The following ARID3A variants were observed in gnomAD, a reference collection of about 807,000 sequenced individuals.
ARID3A encodes AT-rich interactive domain-containing protein 3A.
A neutral mutation model predicts 52.7 loss-of-function variants in ARID3A; 11 were observed. That is an observed-to-expected ratio of 0.21 (90% confidence interval 0.13 to 0.35). ARID3A has a LOEUF of 0.35. Ranked by LOEUF, ARID3A falls within the 10% of genes least tolerant of loss-of-function variation. ARID3A has a pLI of 1.00. For missense variants in ARID3A, 721 were observed against 838.5 expected, an observed-to-expected ratio of 0.86 and a Z score of 1.73; for synonymous variants, 404 against 359.4, an observed-to-expected ratio of 1.12 and a Z score of -1.40.
intron 3 of ARID3A, among the ~76,000 whole-genome samples, chr19:939,095 CTATT>C (rs57727834): frequency 0.018 from 2,182 of 121,242 alleles, 48 homozygotes; most frequent in African/African-American, 0.051. Flanking sequence ...CACACCTGGC[CTATT>C]TATTTATTTA....
rs542946983 is a variant in ARID3A at position 944,987 on chromosome 19, G to A, written c.693+12245G>A. ...CGTCGCCCTGTAATTCTTCCCTGAC[G>A]GCCATTTTTCCGGGAGTGGCTGGGC... On this transcript the variant is annotated intron_variant, in intron 3 of 8. Transcript: ENST00000263620. This position sits in a 1 kb window ranked among gnomAD's most constrained non-coding sequence, Gnocchi z 5.9. 2.6e-5 allele frequency among the ~76,000 whole-genome samples: 4 copies of A among 152,192 alleles called. No individual in the cohort carries two copies. The East Asian group carries it at 5.8e-4, about 22-fold the overall frequency.
At chr19:939,128 A>ATTTATTTATTT (rs57082317) in intron 3 of ARID3A, among the ~76,000 whole-genome samples, 4 of 145,202 alleles carry the variant, frequency 2.8e-5, no homozygotes, top group East Asian at 2.0e-4. Flanking sequence ...TTTATTTATT[A>ATTTATTTATTT]TTATTATTTT....
At chr19:951,128 C>T (rs576754532) in intron 3 of ARID3A, among the ~76,000 whole-genome samples, 1 of 151,708 alleles carries the variant, frequency 6.6e-6, no homozygotes, top group Admixed American at 6.6e-5. Flanking sequence ...GGCCAGGATT[C>T]TTTCTTAAAG....
rs777962993 is a variant in ARID3A at position 964,231 on chromosome 19, C to G, written c.767-17C>G. Reference sequence around the variant, plus strand: ...TGCCCAGGTGGCCCCCAACCTCCCTCTCGCCCCTTCCCCCAGGGACACCTG... The same window carrying G: ...TGCCCAGGTGGCCCCCAACCTCCCTGTCGCCCCTTCCCCCAGGGACACCTG... On this transcript the variant is annotated splice_polypyrimidine_tract_variant and intron_variant, in intron 4 of 8. Transcript: ENST00000263620. The surrounding 1 kb of genome is among the most constrained non-coding windows in gnomAD (Gnocchi z 5.7). The G allele has an allele frequency of 2.0e-5, 32 of 1,601,794 alleles. No individual in the cohort carries two copies. The highest frequency in any genetic ancestry group is 2.6e-5 in the Non-Finnish European group (31 of 1,171,662).
Position 938,207 on chromosome 19 carries a change from T to G in ARID3A, c.693+5465T>G, listed in dbSNP as rs1484732932. 6.6e-6 allele frequency among the ~76,000 whole-genome samples: 1 copy of G among 152,158 alleles called. No homozygotes were observed. The highest frequency in any genetic ancestry group is 2.4e-5 in the African/African-American group (1 of 41,420). ...GCGTGGTTTCTCACTGTGGTTCTGA[T>G]TTTCATTCAGTGTCAGGATCTCTCC... On this transcript the variant is annotated intron_variant, in intron 3 of 8. Coordinates refer to ENST00000263620, the MANE Select transcript of ARID3A (RefSeq NM_005224.3). The surrounding 1 kb of genome is among the most constrained non-coding windows in gnomAD (Gnocchi z 4.0).
At chr19:965,991 CAAAAA>C (rs35807859) in intron 6 of ARID3A, among the ~76,000 whole-genome samples, 4 of 106,584 alleles carry the variant, frequency 3.8e-5, no homozygotes, top group Admixed American at 2.0e-4. Context: ...GACTCCGTGT[CAAAAA>C]AAAAAAAAAA....
chr19:975,137 C>T lies in ARID3A; in HGVS notation c.*3072C>T, dbSNP rs933680474. The T allele has an allele frequency of 3.1e-4, 72 of 230,534 alleles. No homozygotes were observed. The highest frequency in any genetic ancestry group is 5.2e-4 in the Non-Finnish European group (61 of 117,094). 14.3% of individuals were successfully genotyped at this position (230,534 alleles called of 1,614,324 possible). On this transcript the variant is annotated 3_prime_UTR_variant, in exon 9 of 9. Coordinates refer to ENST00000263620, the MANE Select transcript of ARID3A (RefSeq NM_005224.3). ...TCTGGGGTGCAGCTCAGCACCCCCC[C>T]TTATGCAGACTGGGAGGGGGTCGGG... is the stretch of plus-strand genomic sequence containing the variant.
intron 8 of ARID3A, among the ~76,000 whole-genome samples, chr19:969,864 TG>T (rs1445768929): frequency 6.6e-6 from 1 of 150,956 alleles, no homozygotes; most frequent in Non-Finnish European, 1.5e-5. Flanking sequence ...AATTTTTTTT[TG>T]TATTTTTAGT....
At chr19:930,719 C>G (rs1256400422) in intron 2 of ARID3A, among the ~76,000 whole-genome samples, 3 of 150,596 alleles carry the variant, frequency 2.0e-5, no homozygotes, top group African/African-American at 4.9e-5. Context: ...CCATGTTAGC[C>G]AAGATGGTCT....
chr19:950,443 G>C (rs558543722), intron 3 of ARID3A, among the ~76,000 whole-genome samples: 1 of 152,218 alleles, frequency 6.6e-6, no homozygotes, highest in Admixed American at 6.5e-5. Flanking sequence ...GCCCGGGAAG[G>C]TGCTGAGGGT....
chr19:956,432 G>C (rs548821445), intron 3 of ARID3A: 2 of 152,696 alleles, frequency 1.3e-5, no homozygotes, highest in South Asian at 4.0e-4. Flanking sequence ...GATGGACGGG[G>C]TCTCGGAGGA....
intron 3 of ARID3A, among the ~76,000 whole-genome samples, chr19:951,450 G>A (rs1389860460): frequency 3.9e-5 from 6 of 151,990 alleles, no homozygotes; most frequent in Admixed American, 2.6e-4. Context: ...CCACCTAATC[G>A]GGAGGCTGAG....
intron 3 of ARID3A, among the ~76,000 whole-genome samples, chr19:954,185 C>T (rs2037865547): frequency 6.6e-6 from 1 of 152,114 alleles, no homozygotes; most frequent in Non-Finnish European, 1.5e-5. Flanking sequence ...AAACCCCCCA[C>T]CCCACCCAAC....
At chr19:939,672 C>T (rs976525381) in intron 3 of ARID3A, among the ~76,000 whole-genome samples, 2 of 152,082 alleles carry the variant, frequency 1.3e-5, no homozygotes, top group Non-Finnish European at 2.9e-5. Context: ...GGTGCGTTCG[C>T]GTCGTAATTG....
chr19:965,914 C>T (rs1045599845), intron 6 of ARID3A, among the ~76,000 whole-genome samples: 6 of 150,930 alleles, frequency 4.0e-5, no homozygotes, highest in Admixed American at 1.3e-4. Context: ...ATCGCTTGAA[C>T]CCAGGTGGCA....
Position 932,544 on chromosome 19 carries a change from C to T in ARID3A, c.495C>T (p.Ala165=). 2.6e-6 allele frequency: 4 copies of T among 1,512,820 alleles called. No homozygotes were observed. The highest frequency in any genetic ancestry group is 3.5e-6 in the Non-Finnish European group (4 of 1,134,342). The allele number at this position is 1,512,820 out of a possible 1,614,324, so 93.7% of individuals were successfully genotyped here. A position where few individuals can be genotyped will look rare whatever the true frequency, so the allele number is the denominator to read the frequency against. The change falls in exon 3 of 9, where the codon GCC becomes GCT. Residue 165 remains alanine (A), a synonymous_variant. Transcript: ENST00000263620. ...AGGGGCTGGGCCCCCCAGGCCCTGC[C>T]AGCTTGGGCACCACGGCACTGTTCC... The part of the protein sequence containing the change: ...DEEGLGPPGP[A]SLGTTALFPR...
rs2037284773 is a variant in ARID3A, at chr19:929,871, G to A, written c.343G>A (p.Glu115Lys). 6.5e-7 allele frequency: 1 copy of A among 1,543,494 alleles called. No homozygotes were observed. Among genetic ancestry groups the A allele is most frequent in the Non-Finnish European group, 8.7e-7 (1 of 1,146,940 alleles). ...AGAAGGGCCAGGAGAGGAGCACTTT[G>A]AGGACATGGCCTCCGACGAGGACAT... ...GREGPGEEHF[E>K]DMASDEDMKP... Residue 115 changes from glutamate to lysine, a missense_variant, in exon 2 of 9, where the codon GAG (glutamate) becomes AAG (lysine). By Grantham distance (56) the Glu-to-Lys change is moderately conservative. This residue lies in a region of ARID3A where 349 missense variants were observed against 297.3 expected (regional missense o/e 1.17). Coordinates refer to ENST00000263620, the MANE Select transcript of ARID3A (RefSeq NM_005224.3). The surrounding 1 kb of genome is among the most constrained non-coding windows in gnomAD (Gnocchi z 6.2).
intron 1 of ARID3A, among the ~76,000 whole-genome samples, chr19:927,557 C>T (rs2037227582): frequency 6.6e-6 from 1 of 151,770 alleles, no homozygotes; most frequent in Non-Finnish European, 1.5e-5. Context: ...CTTCTGTGCC[C>T]CCAAAGAGGG....
chr19:955,677 G>A (rs775713334), intron 3 of ARID3A, among the ~76,000 whole-genome samples: 4 of 152,124 alleles, frequency 2.6e-5, no homozygotes, highest in Non-Finnish European at 5.9e-5. Flanking sequence ...CAGGAGGTGC[G>A]GTGAGGTTTC....
Sources: allele counts gnomAD v4.1 joint callset (sites outside exome capture counted in the v4.1 genomes callset), GRCh38; gene constraint gnomAD v4.1.1; regional missense constraint gnomAD v4.1.1; non-coding constraint Gnocchi (gnomAD v3.1); transcripts MANE v1.5; gene names NCBI Gene and HGNC (gene_info 2026-07-23, HGNC 2026-07-21).